The following LMNTD1 variants were observed in gnomAD, a reference collection of about 807,000 sequenced individuals.
LMNTD1 encodes lamin tail domain containing 1, also known as lamin tail domain-containing protein 1.
In LMNTD1, 35 loss-of-function variants were observed where a neutral mutation model predicts 50.9. That is an observed-to-expected ratio of 0.69 (90% CI 0.53 to 0.91). The LOEUF is 0.91. LMNTD1 is among the 40% of genes least tolerant of loss of function. LMNTD1 has a pLI of 0.00. For missense variants in LMNTD1, 470 were observed against 475.5 expected (o/e 0.99, Z 0.11); for synonymous variants, 153 against 161.9 (o/e 0.94, Z 0.42).
At chr12:25,617,044 TAAG>T (rs1306065341) in intron 1 of LMNTD1, among the ~76,000 whole-genome samples, 3 of 152,190 alleles carry the variant, frequency 2.0e-5, no homozygotes, top group Non-Finnish European at 4.4e-5. Flanking sequence ...TGTTTTAAAA[TAAG>T]GACTAATTTA....
At chr12:25,555,464 G>A (rs545966853), upstream of LMNTD1, among the ~76,000 whole-genome samples, 1 of 152,136 alleles carries the variant, frequency 6.6e-6, no homozygotes, top group African/African-American at 2.4e-5. Context: ...TGTAATTTGT[G>A]GATATAACAT....
chr12:25,565,344 A>G (rs1944513812), intron 1 of LMNTD1, among the ~76,000 whole-genome samples: 1 of 151,810 alleles, frequency 6.6e-6, no homozygotes, highest in Non-Finnish European at 1.5e-5. Flanking sequence ...TTGTGTATCC[A>G]TTATCTGTTT....
intron 9 of LMNTD1, among the ~76,000 whole-genome samples, chr12:25,494,506 A>G (rs1275005160): frequency 6.6e-6 from 1 of 152,110 alleles, no homozygotes; most frequent in African/African-American, 2.4e-5. Context: ...GGAAAGCAAA[A>G]CCTCAAAAAT....
At chr12:25,636,420 A>C (rs552770569) in intron 1 of LMNTD1, among the ~76,000 whole-genome samples, 1 of 152,332 alleles carries the variant, frequency 6.6e-6, no homozygotes, top group Non-Finnish European at 1.5e-5. Context: ...TGCAAATCAA[A>C]ATCACAAGGC....
At chr12:25,533,113 G>A (rs1942336045) in intron 4 of LMNTD1, among the ~76,000 whole-genome samples, 1 of 152,058 alleles carries the variant, frequency 6.6e-6, no homozygotes, top group Non-Finnish European at 1.5e-5. Context: ...CTTGTCTGAA[G>A]GAAAAAACAA....
At chr12:25,479,808 T>A (rs1201622938) in intron 9 of LMNTD1, among the ~76,000 whole-genome samples, 1 of 152,270 alleles carries the variant, frequency 6.6e-6, no homozygotes, top group East Asian at 1.9e-4. Flanking sequence ...TATAATCAAC[T>A]TACCACCAAG....
intron 1 of LMNTD1, among the ~76,000 whole-genome samples, chr12:25,598,453 AAAGT>A (rs1565511372): frequency 6.6e-6 from 1 of 152,054 alleles, no homozygotes; most frequent in Admixed American, 6.6e-5. Context: ...AAGAACTAGA[AAAGT>A]AAGAGCAAAC....
intron 8 of LMNTD1, among the ~76,000 whole-genome samples, chr12:25,518,104 A>G (rs1189409389): frequency 2.6e-5 from 4 of 152,228 alleles, no homozygotes; most frequent in Non-Finnish European, 5.9e-5. Flanking sequence ...GTGAATCATT[A>G]CAACTTCACC....
chr12:25,510,952 G>A (rs934895161), intron 8 of LMNTD1, among the ~76,000 whole-genome samples: 5 of 152,148 alleles, frequency 3.3e-5, no homozygotes, highest in Admixed American at 6.5e-5. Context: ...GTGAGTGTAA[G>A]ATATTACTGA....
intron 1 of LMNTD1, among the ~76,000 whole-genome samples, chr12:25,639,306 A>G (rs1592129644): frequency 6.6e-6 from 1 of 152,212 alleles, no homozygotes; most frequent in East Asian, 1.9e-4. Context: ...AAATAAAAAA[A>G]TAGATAAATT....
In LMNTD1 at chr12:25,591,574, G is replaced by A. The variant is rs1342286061; in HGVS notation, c.59-45020C>T. Among the ~76,000 whole-genome samples the A allele has an allele frequency of 3.3e-5, 5 of 152,264 alleles. No individual in the cohort carries two copies. In the East Asian group the frequency reaches 7.7e-4, roughly 24 times the overall value. On this transcript the variant is annotated intron_variant, in intron 1 of 7. Transcript: ENST00000445693. The stretch of plus-strand genomic sequence containing the variant: ...GACGGCACCCCTGGACATGCCCAGG[G>A]CCTGGGGGAACTTGTCACCCTGAAG...
intron 1 of LMNTD1, among the ~76,000 whole-genome samples, chr12:25,591,764 AC>A (rs1036042291): frequency 6.8e-5 from 10 of 147,570 alleles, no homozygotes; most frequent in African/African-American, 1.0e-4. Context: ...GGTGGTGGCC[AC>A]AGGGGTGCTT....
chr12:25,596,825 C>T (rs139180299), intron 1 of LMNTD1, among the ~76,000 whole-genome samples: 29 of 151,996 alleles, frequency 1.9e-4, no homozygotes, highest in African/African-American at 5.1e-4. Context: ...GACTAAAGGA[C>T]GAACCAATTC....
At chr12:25,505,458 A>G (rs1349851854) in intron 8 of LMNTD1, among the ~76,000 whole-genome samples, 1 of 152,172 alleles carries the variant, frequency 6.6e-6, no homozygotes, top group Non-Finnish European at 1.5e-5. Flanking sequence ...CCATTAAAGA[A>G]ACGTTTATTT....
At chr12:25,541,264 A>G (rs11048100) in intron 4 of LMNTD1, among the ~76,000 whole-genome samples, 4,076 of 48,114 alleles carry the variant, frequency 0.085, 235 homozygotes, top group East Asian at 0.11. Flanking sequence ...AGCCCGCATC[A>G]CCAATTCAAT....
intron 1 of LMNTD1, among the ~76,000 whole-genome samples, chr12:25,634,202 C>T (rs924547691): frequency 3.9e-5 from 6 of 151,978 alleles, no homozygotes; most frequent in African/African-American, 1.5e-4. Context: ...AAATTACCAA[C>T]AAAAAAAGTC....
chr12:25,497,614 A>G (rs1380035256), intron 9 of LMNTD1: 1 of 152,222 alleles, frequency 6.6e-6, no homozygotes, highest in Admixed American at 6.5e-5. Context: ...CCTGGCCAAC[A>G]TGGTGAAACC....
intron 1 of LMNTD1, among the ~76,000 whole-genome samples, chr12:25,614,692 T>G (rs1467140882): frequency 6.6e-6 from 1 of 152,146 alleles, no homozygotes; most frequent in African/African-American, 2.4e-5. Context: ...GAATCAGACT[T>G]GAAAGTGTGC....
intron 9 of LMNTD1, among the ~76,000 whole-genome samples, chr12:25,493,911 T>G (rs1938973633): frequency 6.6e-6 from 1 of 152,078 alleles, no homozygotes; most frequent in Admixed American, 6.5e-5. Flanking sequence ...CCACTCACCC[T>G]TGGAACTTAG....
Sources: gnomAD v4.1 joint callset for allele counts (sites outside exome capture counted in the v4.1 genomes callset) on GRCh38, gnomAD v4.1.1 for gene constraint, MANE v1.5 for transcripts, NCBI Gene and HGNC (gene_info 2026-07-23, HGNC 2026-07-21) for gene names.